Variants in BTRC observed in about 807,000 individuals in gnomAD.
The protein encoded by BTRC is beta-transducin repeat containing E3 ubiquitin protein ligase, also known as F-box/WD repeat-containing protein 1A.
In BTRC, 42 loss-of-function variants were observed where a neutral mutation model predicts 85.5. The observed-to-expected ratio is 0.49, with a 90% CI of 0.38 to 0.64. The LOEUF is 0.64. Among genes scored for constraint, BTRC ranks in the 30% least tolerant of loss-of-function variants. BTRC has a pLI of 0.00. For missense variants in BTRC, 594 were observed against 743.5 expected, an observed-to-expected ratio of 0.80 and a Z score of 2.34; for synonymous variants, 255 against 263.3, an observed-to-expected ratio of 0.97 and a Z score of 0.30.
chr10:101,436,372 C>T (rs1025203812), intron 2 of BTRC, among the ~76,000 whole-genome samples: 9 of 152,108 alleles, frequency 5.9e-5, no homozygotes, highest in African/African-American at 1.7e-4. Flanking sequence ...GGGCCGGGCA[C>T]GGTGATGCAC....
chr10:101,453,135 A>T (rs1413464971), intron 2 of BTRC, among the ~76,000 whole-genome samples: 1 of 152,190 alleles, frequency 6.6e-6, no homozygotes, highest in South Asian at 2.1e-4. Flanking sequence ...TTGGAAGCTA[A>T]ATTAGCTCCA....
intron 1 of BTRC, among the ~76,000 whole-genome samples, chr10:101,392,818 C>T (rs957743059): frequency 1.3e-5 from 2 of 152,184 alleles, no homozygotes; most frequent in African/African-American, 4.8e-5. Flanking sequence ...GCTTCCGCAC[C>T]CGACCAATTA....
intron 13 of BTRC, among the ~76,000 whole-genome samples, chr10:101,544,802 T>C (rs3127235): frequency 0.3 from 46,206 of 152,002 alleles, 7,298 homozygotes; most frequent in South Asian, 0.4. Flanking sequence ...CTCACACCTG[T>C]AATCCCAGCA....
intron 4 of BTRC, among the ~76,000 whole-genome samples, chr10:101,510,200 A>G (rs964496910): frequency 7.2e-5 from 11 of 151,726 alleles, no homozygotes; most frequent in African/African-American, 2.7e-4. Context: ...AATAATCGGA[A>G]AAAGATCTTT....
intron 2 of BTRC, among the ~76,000 whole-genome samples, chr10:101,436,623 A>AGAT (rs1944536441): frequency 9.4e-6 from 1 of 106,876 alleles, no homozygotes; most frequent in African/African-American, 3.8e-5. Flanking sequence ...TCAATTAAAA[A>AGAT]AAATAGATAG....
chr10:101,448,704 G>A (rs1267581219), intron 2 of BTRC, among the ~76,000 whole-genome samples: 1 of 151,944 alleles, frequency 6.6e-6, no homozygotes, highest in African/African-American at 2.4e-5. Flanking sequence ...ATGGAAAGCA[G>A]GATTTACAGC....
At chr10:101,510,677 G>A (rs1946681006) in intron 4 of BTRC, among the ~76,000 whole-genome samples, 1 of 152,016 alleles carries the variant, frequency 6.6e-6, no homozygotes, top group African/African-American at 2.4e-5. Context: ...GAACACTGTT[G>A]TATCCCCATC....
intron 5 of BTRC, among the ~76,000 whole-genome samples, chr10:101,524,427 T>C (rs2062161613): frequency 6.6e-6 from 1 of 152,210 alleles, no homozygotes; most frequent in Admixed American, 6.5e-5. Flanking sequence ...CTGGTTTGTA[T>C]CCACTGACCA....
At chr10:101,466,519 G>A (rs939964180) in intron 3 of BTRC, among the ~76,000 whole-genome samples, 1 of 152,134 alleles carries the variant, frequency 6.6e-6, no homozygotes, top group African/African-American at 2.4e-5. Flanking sequence ...CTCTATAGAT[G>A]GAGACTTCAC....
At chr10:101,477,049 T>C (rs942820425) in intron 3 of BTRC, among the ~76,000 whole-genome samples, 2 of 152,208 alleles carry the variant, frequency 1.3e-5, no homozygotes, top group African/African-American at 4.8e-5. Flanking sequence ...CGATCTAGGC[T>C]TACTGCAGCC....
intron 1 of BTRC, among the ~76,000 whole-genome samples, chr10:101,429,952 T>C (rs1944360383): frequency 6.6e-6 from 1 of 152,082 alleles, no homozygotes; most frequent in Non-Finnish European, 1.5e-5. Context: ...GAACTCCTCC[T>C]CTTTCTGCTT....
rs553815994 is a variant in BTRC at position 101,389,036 on chromosome 10, C to T, written c.48+34808C>T. 2.0e-5 allele frequency among the ~76,000 whole-genome samples: 3 copies of T among 151,316 alleles called. No individual in the cohort carries two copies. In the East Asian group the frequency reaches 5.8e-4, roughly 29 times the overall value. On this transcript the variant is annotated intron_variant, in intron 1 of 14. Transcript: ENST00000370187. ...TTCTAATGGGCTAATAGTCTCTAAC[C>T]CATCCTTTTACTGTGACTTCTACCT... is the stretch of plus-strand genomic sequence containing the variant.
intron 1 of BTRC, among the ~76,000 whole-genome samples, chr10:101,430,020 G>A (rs1046519223): frequency 6.6e-6 from 1 of 152,172 alleles, no homozygotes; most frequent in African/African-American, 2.4e-5. Flanking sequence ...GAGGTGCATA[G>A]AGGAAAATAA....
chr10:101,387,426 A>G (rs1015410743), intron 1 of BTRC, among the ~76,000 whole-genome samples: 1 of 150,178 alleles, frequency 6.7e-6, no homozygotes, highest in Non-Finnish European at 1.5e-5. Flanking sequence ...TATTCCTCCT[A>G]TATAGCTCAC....
chr10:101,539,866 A>G (rs1479690147), intron 13 of BTRC, among the ~76,000 whole-genome samples: 1 of 152,180 alleles, frequency 6.6e-6, no homozygotes, highest in African/African-American at 2.4e-5. Context: ...AGTCATTCTC[A>G]TTGTGGTTTA....
intron 2 of BTRC, among the ~76,000 whole-genome samples, chr10:101,459,745 G>GCCCAT (rs1235843403): frequency 6.6e-6 from 1 of 152,138 alleles, no homozygotes; most frequent in Non-Finnish European, 1.5e-5. Flanking sequence ...TCATTCTTTA[G>GCCCAT]ACATTTTCAT....
At chr10:101,374,525 C>G (rs1403966229) in intron 1 of BTRC, among the ~76,000 whole-genome samples, 4 of 146,814 alleles carry the variant, frequency 2.7e-5, no homozygotes, top group African/African-American at 1.0e-4. Context: ...AGTAAACTAT[C>G]GCAAGAACAA....
At chr10:101,442,889 C>CT (rs755689728) in intron 2 of BTRC, among the ~76,000 whole-genome samples, 35,911 of 122,352 alleles carry the variant, frequency 0.29, 7,958 homozygotes, top group East Asian at 0.66. Flanking sequence ...CTCACTTGCT[C>CT]TTTTTTTTTT....
chr10:101,541,407 G>A (rs979742870), intron 13 of BTRC, among the ~76,000 whole-genome samples: 44 of 152,026 alleles, frequency 2.9e-4, no homozygotes, highest in African/African-American at 9.9e-4. Flanking sequence ...CTACAGGCAC[G>A]TGCCACCATG....
Sources: gnomAD v4.1 joint callset for allele counts (sites outside exome capture counted in the v4.1 genomes callset) on GRCh38, gnomAD v4.1.1 for gene constraint, MANE v1.5 for transcripts, NCBI Gene and HGNC (gene_info 2026-07-23, HGNC 2026-07-21) for gene names.